FNIP2: variants seen among roughly 807,000 people sequenced by gnomAD.
The protein encoded by FNIP2 is folliculin interacting protein 2.
FNIP2 carries 32 observed loss-of-function variants against 108.7 expected under a neutral mutation model. The observed-to-expected ratio is 0.29, with a 90% CI of 0.22 to 0.40. FNIP2 has a LOEUF of 0.40. FNIP2 is among the 10% of genes least tolerant of loss of function. The probability of loss-of-function intolerance (pLI) is 1.00; values close to 1 mark genes in which losing one functional copy is unlikely to be tolerated. For missense variants in FNIP2, 1,202 were observed against 1,381.6 expected (o/e 0.87, Z 2.06); for synonymous variants, 480 against 496.7 (o/e 0.97, Z 0.45).
chr4:158,907,552 T>C lies in FNIP2; in HGVS notation c.*3008T>C, dbSNP rs1439516889. On this transcript the variant is annotated 3_prime_UTR_variant, in exon 17 of 17. Coordinates refer to ENST00000264433, the MANE Select transcript of FNIP2 (RefSeq NM_020840.3). ...TTTTTAGGTTCTTCACTAGAGTTGG[T>C]TGTACATAAAAATAATAAAGAATAT... 1 of 152,202 alleles carries C rather than the reference T, an allele frequency of 6.6e-6. No individual in the cohort carries two copies. Among genetic ancestry groups the C allele is most frequent in the Non-Finnish European group, 1.5e-5 (1 of 68,038 alleles). 9.4% of individuals were successfully genotyped at this position (152,202 alleles called of 1,614,324 possible).
intron 7 of FNIP2, among the ~76,000 whole-genome samples, chr4:158,847,720 G>A (rs1779482296): frequency 1.3e-5 from 2 of 152,156 alleles, no homozygotes; most frequent in Admixed American, 1.3e-4. Flanking sequence ...CCAGACATTG[G>A]CTCTTGGACA....
Position 158,778,648 on chromosome 4 carries a change from T to C in FNIP2, c.107+9329T>C, listed in dbSNP as rs990761871. 2.0e-5 allele frequency among the ~76,000 whole-genome samples: 3 copies of C among 152,350 alleles called. No homozygotes were observed. The East Asian group carries it at 5.8e-4, about 29-fold the overall frequency. On this transcript the variant is annotated intron_variant, in intron 1 of 16. Transcript: ENST00000264433. ...TTATTAGTTATTGTTGTTAATCTCT[T>C]ACTGTGCCTAATTTATAAATTAAAC...
At chr4:158,791,619 GT>G (rs1328718637) in intron 1 of FNIP2, among the ~76,000 whole-genome samples, 1 of 152,138 alleles carries the variant, frequency 6.6e-6, no homozygotes, top group African/African-American at 2.4e-5. Context: ...ATGTTGGTAT[GT>G]TTGTAATACC....
intron 1 of FNIP2, among the ~76,000 whole-genome samples, chr4:158,800,602 T>C (rs1328087319): frequency 1.3e-5 from 2 of 152,212 alleles, no homozygotes; most frequent in Non-Finnish European, 2.9e-5. Context: ...TTGTAAATAA[T>C]ACATGCCTAT....
intron 1 of FNIP2, among the ~76,000 whole-genome samples, chr4:158,777,310 T>C (rs1328959929): frequency 2.0e-5 from 3 of 152,234 alleles, no homozygotes; most frequent in African/African-American, 7.2e-5. Context: ...AATAGTACAC[T>C]TAATTGTGAA....
chr4:158,878,444 A>G (rs933690999), intron 14 of FNIP2, among the ~76,000 whole-genome samples: 6 of 151,818 alleles, frequency 4.0e-5, no homozygotes, highest in Admixed American at 6.6e-5. Context: ...AGAAATCAAA[A>G]CCCCCTGTCT....
At chr4:158,830,372 C>A (rs1778409810) in intron 3 of FNIP2, among the ~76,000 whole-genome samples, 1 of 150,732 alleles carries the variant, frequency 6.6e-6, no homozygotes, top group African/African-American at 2.5e-5. Context: ...ACGCCATTCT[C>A]CTGCCTCAGC....
chr4:158,810,943 G>C (rs755431937), intron 1 of FNIP2, among the ~76,000 whole-genome samples: 1 of 152,214 alleles, frequency 6.6e-6, no homozygotes, highest in Non-Finnish European at 1.5e-5. Context: ...CTCCTGTGGT[G>C]AGTCAGGCTC....
At chr4:158,811,555 TTAA>T (rs56387475) in intron 1 of FNIP2, among the ~76,000 whole-genome samples, 1 of 151,356 alleles carries the variant, frequency 6.6e-6, no homozygotes, top group Non-Finnish European at 1.5e-5. Flanking sequence ...ATAATATTAA[TTAA>T]TAATAATAAT....
At chr4:158,899,260 T>C (rs955372948) in intron 16 of FNIP2, among the ~76,000 whole-genome samples, 2 of 152,218 alleles carry the variant, frequency 1.3e-5, no homozygotes, top group Non-Finnish European at 2.9e-5. Context: ...CAGTGTTTTA[T>C]TGAGGATTTT....
chr4:158,840,636 T>C (rs1260045563), intron 7 of FNIP2, among the ~76,000 whole-genome samples: 3 of 152,264 alleles, frequency 2.0e-5, no homozygotes, highest in Admixed American at 1.3e-4. Flanking sequence ...CCTCAGGTGA[T>C]TCACCCACCT....
At chr4:158,785,222 C>G (rs1340899099) in intron 1 of FNIP2, among the ~76,000 whole-genome samples, 1 of 151,074 alleles carries the variant, frequency 6.6e-6, no homozygotes, top group East Asian at 1.9e-4. Flanking sequence ...GTAGATGGGA[C>G]TACAAGCACG....
At chr4:158,891,325 T>C in intron 14 of FNIP2, 121 bp from the exon 15 acceptor site, 1 of 849,332 alleles carries the variant, frequency 1.2e-6, no homozygotes, top group Non-Finnish European at 1.8e-6. Flanking sequence ...TTAAATCTGC[T>C]CTATCCATAA....
At chr4:158,785,520 G>A (rs1007891855) in intron 1 of FNIP2, among the ~76,000 whole-genome samples, 1 of 151,992 alleles carries the variant, frequency 6.6e-6, no homozygotes. Context: ...TAAGAGATGA[G>A]GTCTTGCTAT....
At chr4:158,901,253 G>A (rs529514806) in intron 16 of FNIP2, among the ~76,000 whole-genome samples, 12 of 150,894 alleles carry the variant, frequency 8.0e-5, no homozygotes, top group East Asian at 5.9e-4. Context: ...CTGCCTCAGC[G>A]TCCAGAGTAG....
intron 1 of FNIP2, among the ~76,000 whole-genome samples, chr4:158,797,105 C>T (rs767282858): frequency 1.3e-5 from 2 of 152,254 alleles, no homozygotes; most frequent in South Asian, 2.1e-4. Flanking sequence ...TCTTAGTTGT[C>T]GTAGCTATTA....
intron 8 of FNIP2, among the ~76,000 whole-genome samples, chr4:158,852,012 A>G (rs945901198): frequency 6.6e-6 from 1 of 152,202 alleles, no homozygotes; most frequent in Non-Finnish European, 1.5e-5. Context: ...TCTTCCTACA[A>G]TCCAAATACT....
intron 1 of FNIP2, among the ~76,000 whole-genome samples, chr4:158,818,852 G>A (rs906534838): frequency 3.3e-5 from 5 of 152,178 alleles, no homozygotes; most frequent in African/African-American, 1.2e-4. Flanking sequence ...TAGGGTTGGA[G>A]CATTCTAAAA....
At chr4:158,780,394 T>C (rs1776003100) in intron 1 of FNIP2, among the ~76,000 whole-genome samples, 1 of 152,210 alleles carries the variant, frequency 6.6e-6, no homozygotes, top group Non-Finnish European at 1.5e-5. Flanking sequence ...TTCTCAAGAA[T>C]TTTAAGGGAG....
Sources: gnomAD v4.1 joint callset for allele counts (sites outside exome capture counted in the v4.1 genomes callset) on GRCh38, gnomAD v4.1.1 for gene constraint, MANE v1.5 for transcripts, NCBI Gene and HGNC (gene_info 2026-07-23, HGNC 2026-07-21) for gene names.